The following DHRS4L2 variants were observed in gnomAD, a reference collection of about 807,000 sequenced individuals.
The protein encoded by DHRS4L2 is dehydrogenase/reductase SDR family member 4-like 2.
Under a neutral mutation model 23.9 loss-of-function variants are expected in DHRS4L2, and 22 were observed. That is an observed-to-expected ratio of 0.92 (90% CI 0.66 to 1.31). The LOEUF is 1.31. DHRS4L2 is among the 40% of genes most tolerant of loss of function. DHRS4L2 has a pLI of 0.00. For missense variants in DHRS4L2, 385 were observed against 303.3 expected, an observed-to-expected ratio of 1.27 and a Z score of -2.00; for synonymous variants, 141 against 123.7, an observed-to-expected ratio of 1.14 and a Z score of -0.93.
intron 1 of DHRS4L2, among the ~76,000 whole-genome samples, chr14:23,976,833 T>G (rs917708919): frequency 6.6e-5 from 10 of 151,752 alleles, no homozygotes; most frequent in African/African-American, 1.9e-4. Context: ...AAATCATCAC[T>G]TTCAGCAAAA....
At chr14:23,988,616 C>G (rs188543568), upstream of DHRS4L2, 126 of 307,546 alleles carry the variant, frequency 4.1e-4, no homozygotes, top group African/African-American at 2.5e-3. Context: ...AAGAAGAAAA[C>G]GTGGACAAGC....
intron 1 of DHRS4L2, among the ~76,000 whole-genome samples, chr14:23,980,835 C>A (rs561636615): frequency 1.8e-4 from 27 of 151,666 alleles, no homozygotes; most frequent in Admixed American, 1.4e-3. Context: ...ATGACAGACC[C>A]ACAGCCAACA....
intron 1 of DHRS4L2, among the ~76,000 whole-genome samples, chr14:23,974,342 G>A (rs2033926161): frequency 6.6e-6 from 1 of 151,336 alleles, no homozygotes; most frequent in African/African-American, 2.4e-5. Context: ...AAAAGAACTA[G>A]AGAAGCAAGA....
intron 6 of DHRS4L2, among the ~76,000 whole-genome samples, chr14:24,001,797 C>A (rs2034494702): frequency 9.2e-6 from 1 of 108,848 alleles, no homozygotes; most frequent in Non-Finnish European, 1.7e-5. Flanking sequence ...CAAAATGCAT[C>A]ACTAGAACCT....
At chr14:23,977,267 A>T (rs1440269472) in intron 1 of DHRS4L2, among the ~76,000 whole-genome samples, 9 of 151,732 alleles carry the variant, frequency 5.9e-5, no homozygotes. Context: ...TAAAATTTAA[A>T]TATTTCCTAT....
At chr14:23,970,713 C>A (rs1048203020) in intron 1 of DHRS4L2, among the ~76,000 whole-genome samples, 1 of 152,030 alleles carries the variant, frequency 6.6e-6, no homozygotes, top group South Asian at 2.1e-4. Context: ...AAACACCGAC[C>A]AGTAGGGGCG....
intron 7 of DHRS4L2, among the ~76,000 whole-genome samples, chr14:24,005,648 G>A (rs1485838442): frequency 6.6e-6 from 1 of 151,934 alleles, no homozygotes; most frequent in Non-Finnish European, 1.5e-5. Context: ...AAAAACCGGT[G>A]TGTTTCTATA....
chr14:24,001,444 A>G lies in DHRS4L2; in HGVS notation c.592A>G (p.Ile198Val). 6.2e-7 allele frequency: 1 copy of G among 1,607,448 alleles called. No individual in the cohort carries two copies. Among genetic ancestry groups the G allele is most frequent in the South Asian group, 1.1e-5 (1 of 90,780 alleles). The change falls in exon 6 of 8, where the codon ATA becomes GTA. Residue 198 changes from isoleucine to valine, a missense_variant. Transcript: ENST00000335125. ...GCTGGGCCTCAACAATACCCTGGCCATAGAGCTGGCCCCAAGGAACATTAG... is the reference window on the plus strand; with the variant it reads ...GCTGGGCCTCAACAATACCCTGGCCGTAGAGCTGGCCCCAAGGAACATTAG... Reference protein sequence around the residue: ...ALLGLNNTLAIELAPRNIRVN... With the variant: ...ALLGLNNTLAVELAPRNIRVN...
At chr14:23,988,776 G>A (rs1392163487), upstream of DHRS4L2, 21 of 1,404,270 alleles carry the variant, frequency 1.5e-5, 2 homozygotes, top group Non-Finnish European at 1.9e-5. Context: ...GCTGGCTGCG[G>A]GGCGGGGCGA....
chr14:23,983,141 G>A lies in DHRS4L2; in HGVS notation c.-175-7041G>A, dbSNP rs368168982. Among the ~76,000 whole-genome samples, 47 of 151,588 alleles carry A rather than the reference G, an allele frequency of 3.1e-4. 1 individual carries two copies. In the East Asian group the frequency reaches 3.5e-3, roughly 11 times the overall value. On this transcript the variant is annotated intron_variant, in intron 1 of 5. Coordinates refer to the DHRS4L2 transcript ENST00000534993. Reference sequence around the variant, plus strand: ...TCTTGCAATCTATCCATCTGACAAGGGGCTAATATCCAAAATCTACAAAGA... The same window carrying A: ...TCTTGCAATCTATCCATCTGACAAGAGGCTAATATCCAAAATCTACAAAGA...
At chr14:23,997,091 G>C (rs1309343623) in intron 3 of DHRS4L2, among the ~76,000 whole-genome samples, 1 of 148,006 alleles carries the variant, frequency 6.8e-6, no homozygotes, top group African/African-American at 2.5e-5. Context: ...TTATAATAAA[G>C]TGAGTCACAT....
rs764483663 is a variant in DHRS4L2, at chr14:23,981,410, A to G, written c.-175-8772A>G. On this transcript the variant is annotated intron_variant, in intron 1 of 5. Transcript: ENST00000534993. ...AATTTATAGATTCAGTGCTATCCCCATCAAGCTACTAATGACTTTCTTCAC... is the reference window on the plus strand; with the variant it reads ...AATTTATAGATTCAGTGCTATCCCCGTCAAGCTACTAATGACTTTCTTCAC... Among the ~76,000 whole-genome samples the G allele has an allele frequency of 1.4e-4, 21 of 151,672 alleles. 3 individuals carry two copies. Among genetic ancestry groups the G allele is most frequent in the Non-Finnish European group, 2.8e-4 (19 of 67,934 alleles).
At position 23,969,983 on chromosome 14, in the gene DHRS4L2, C is replaced by T. The variant is rs995209192; in HGVS notation, c.-525C>T. ...ACTGTCTGGAGCGGGCTCGCCTCTGCGGCAGCCCTCACCGCCCGGGCTTTA... is the reference window on the plus strand; with the variant it reads ...ACTGTCTGGAGCGGGCTCGCCTCTGTGGCAGCCCTCACCGCCCGGGCTTTA... On this transcript the variant is annotated 5_prime_UTR_variant, in exon 1 of 6. Transcript: ENST00000534993. 1.1e-5 allele frequency: 5 copies of T among 454,954 alleles called. No homozygotes were observed. The Admixed American group carries it at 1.2e-4, about 11-fold the overall frequency. The allele number at this position is 454,954 out of a possible 1,614,324, so 28.2% of individuals were successfully genotyped here.
intron 3 of DHRS4L2, among the ~76,000 whole-genome samples, chr14:23,995,739 C>T (rs1316488003): frequency 4.0e-5 from 6 of 151,654 alleles, no homozygotes; most frequent in Non-Finnish European, 5.9e-5. Context: ...ACATTATATT[C>T]ATAATATATT....
At chr14:23,985,578 G>T (rs542573053), upstream of DHRS4L2, among the ~76,000 whole-genome samples, 208 of 151,714 alleles carry the variant, frequency 1.4e-3, 4 homozygotes, top group Non-Finnish European at 2.4e-3. Flanking sequence ...CCTCAATCAT[G>T]GAGGCATTTG....
At chr14:23,994,552 G>A (rs1436004312) in intron 2 of DHRS4L2, among the ~76,000 whole-genome samples, 3 of 151,398 alleles carry the variant, frequency 2.0e-5, no homozygotes, top group African/African-American at 7.3e-5. Context: ...CCCGGGTGTG[G>A]TGGCACGCAC....
intron 1 of DHRS4L2, among the ~76,000 whole-genome samples, chr14:23,972,235 C>A (rs1288326362): frequency 1.3e-5 from 2 of 152,008 alleles, no homozygotes; most frequent in Non-Finnish European, 2.9e-5. Flanking sequence ...TTTGTTCCTT[C>A]TGATGTTCAG....
At chr14:23,973,402 C>G (rs2033903742) in intron 1 of DHRS4L2, among the ~76,000 whole-genome samples, 1 of 151,910 alleles carries the variant, frequency 6.6e-6, no homozygotes, top group African/African-American at 2.4e-5. Flanking sequence ...GAAGCCAGCT[C>G]CAGTCTCAGC....
chr14:23,972,284 C>T (rs1267888756), intron 1 of DHRS4L2, among the ~76,000 whole-genome samples: 2 of 152,024 alleles, frequency 1.3e-5, no homozygotes, highest in Admixed American at 6.6e-5. Context: ...GGTTCGTGGT[C>T]TTGCTGGCTT....
Sources: gnomAD v4.1 joint callset for allele counts (sites outside exome capture counted in the v4.1 genomes callset) on GRCh38, gnomAD v4.1.1 for gene constraint, MANE v1.5 for transcripts, NCBI Gene and HGNC (gene_info 2026-07-23, HGNC 2026-07-21) for gene names.